The following GSE1 variants were observed in gnomAD, a reference collection of about 807,000 sequenced individuals.
The protein encoded by GSE1 is genetic suppressor element 1.
In GSE1, 32 loss-of-function variants were observed where a neutral mutation model predicts 112.6. That is an observed-to-expected ratio of 0.28 (90% confidence interval 0.21 to 0.38). GSE1 has a LOEUF of 0.38. Among genes scored for constraint, GSE1 ranks in the 10% least tolerant of loss-of-function variants. GSE1 has a pLI of 1.00. For missense variants in GSE1, 2,348 were observed against 1,699.2 expected (o/e 1.38, Z -6.71); for synonymous variants, 1,115 against 735.6 (o/e 1.52, Z -8.35).
chr16:85,517,310 G>A (rs776074930), intron 2 of GSE1, among the ~76,000 whole-genome samples: 3 of 152,210 alleles, frequency 2.0e-5, no homozygotes, highest in South Asian at 2.1e-4. Context: ...ACAGCCATGT[G>A]TCCTTGGTCC....
chr16:85,428,990 T>C (rs918845440), intron 2 of GSE1, among the ~76,000 whole-genome samples: 1 of 152,152 alleles, frequency 6.6e-6, no homozygotes, highest in Non-Finnish European at 1.5e-5. Flanking sequence ...TTGGAGAATC[T>C]CAGCTTCATA....
intron 15 of GSE1, chr16:85,672,165 AT>A: frequency 2.8e-5 from 14 of 502,602 alleles, no homozygotes; most frequent in East Asian, 9.0e-5. Flanking sequence ...TGCCTGGCTA[AT>A]TTTTTTGTTT....
chr16:85,207,654 G>A (rs1211866218), intron 1 of GSE1: 1 of 152,282 alleles, frequency 6.6e-6, no homozygotes, highest in Non-Finnish European at 1.5e-5. Flanking sequence ...GTTGAATCCC[G>A]GCTCTGCCGT....
intron 1 of GSE1, among the ~76,000 whole-genome samples, chr16:85,297,318 C>A (rs2045396246): frequency 6.6e-6 from 1 of 150,618 alleles, no homozygotes; most frequent in Non-Finnish European, 1.5e-5. Context: ...AGTGACTCGC[C>A]GAAGGGTAGG....
Position 85,633,998 on chromosome 16 carries a change from C to T in GSE1, c.92C>T (p.Pro31Leu), listed in dbSNP as rs759417177. Residue 31 changes from proline (P) to leucine (L), a missense_variant, in exon 2 of 16, where the codon CCC (proline) becomes CTC (leucine). Physicochemically the swap from Pro to Leu is moderately conservative, Grantham distance 98. Coordinates refer to ENST00000253458, the MANE Select transcript of GSE1 (RefSeq NM_014615.5). ...RTTATVNPLT[P>L]SPLNGALVPS... ...ACCGCCACCGTCAACCCCCTCACCC[C>T]CTCGCCGCTCAATGGCGCCCTGGTG... is the stretch of plus-strand genomic sequence containing the variant. The T allele has an allele frequency of 6.2e-7, 1 of 1,612,984 alleles. No homozygotes were observed. Among genetic ancestry groups the T allele is most frequent in the Non-Finnish European group, 8.5e-7 (1 of 1,179,716 alleles).
At chr16:85,173,047 C>T (rs193037092) in intron 1 of GSE1, among the ~76,000 whole-genome samples, 11 of 152,164 alleles carry the variant, frequency 7.2e-5, no homozygotes, top group Non-Finnish European at 1.2e-4. Context: ...ATGAGCACGT[C>T]GTCTCCCGTC....
chr16:85,618,409 G>T (rs2048514692), intron 1 of GSE1, among the ~76,000 whole-genome samples: 1 of 152,332 alleles, frequency 6.6e-6, no homozygotes, highest in South Asian at 2.1e-4. Context: ...AAGGCCTGGA[G>T]CGTGGGGTGA....
At chr16:85,382,843 C>T (rs921834935) in intron 2 of GSE1, among the ~76,000 whole-genome samples, 1 of 151,898 alleles carries the variant, frequency 6.6e-6, no homozygotes, top group Admixed American at 6.6e-5. Flanking sequence ...CATGCACACA[C>T]ATGCATACAT....
chr16:85,233,724 G>A (rs1307150937), intron 1 of GSE1, among the ~76,000 whole-genome samples: 1 of 152,162 alleles, frequency 6.6e-6, no homozygotes, highest in African/African-American at 2.4e-5. Flanking sequence ...AATGATTAAT[G>A]GTTTTTGGAA....
intron 1 of GSE1, among the ~76,000 whole-genome samples, chr16:85,238,155 A>T (rs565245590): frequency 7.9e-5 from 12 of 152,122 alleles, no homozygotes; most frequent in African/African-American, 2.7e-4. Flanking sequence ...GGGTGGGTGC[A>T]GGAAGACCCC....
intron 1 of GSE1, among the ~76,000 whole-genome samples, chr16:85,251,284 T>C (rs1387007992): frequency 6.8e-6 from 1 of 146,792 alleles, no homozygotes; most frequent in Non-Finnish European, 1.5e-5. Flanking sequence ...GCCCTCAAGG[T>C]GACAAAGCCT....
intron 1 of GSE1, among the ~76,000 whole-genome samples, chr16:85,209,672 C>T (rs967478223): frequency 1.3e-5 from 2 of 152,232 alleles, no homozygotes; most frequent in African/African-American, 4.8e-5. Flanking sequence ...CATTCTGCAA[C>T]CCTAGATCGA....
At chr16:85,442,353 G>A (rs187230629) in intron 2 of GSE1, among the ~76,000 whole-genome samples, 1 of 152,256 alleles carries the variant, frequency 6.6e-6, no homozygotes, top group East Asian at 1.9e-4. Flanking sequence ...GCCCCACATG[G>A]GCAGGGACTT....
At chr16:85,308,582 C>T (rs971119590) in intron 1 of GSE1, among the ~76,000 whole-genome samples, 2 of 152,112 alleles carry the variant, frequency 1.3e-5, no homozygotes, top group African/African-American at 4.8e-5. Flanking sequence ...AGGAAACCTT[C>T]TCATCTATTT....
In GSE1 at chr16:85,180,018, G is replaced by A. The variant is rs114935469; in HGVS notation, c.2283+8211G>A. On this transcript the variant is annotated intron_variant, in intron 1 of 2. Coordinates refer to the GSE1 transcript ENST00000637419. ...ATCTCGTCTTTCTACATGTGTTGGC[G>A]GGGGGCTGTGGGGCAGGGAAGACCT... is the stretch of plus-strand genomic sequence containing the variant. Among the ~76,000 whole-genome samples the A allele has an allele frequency of 1.1e-3, 175 of 152,198 alleles. 1 individual carries two copies. The highest frequency in any genetic ancestry group is 1.6e-3 in the Non-Finnish European group (112 of 68,028).
chr16:85,630,932 TCC>T (rs1435984674), intron 1 of GSE1, among the ~76,000 whole-genome samples: 1 of 152,206 alleles, frequency 6.6e-6, no homozygotes, highest in Non-Finnish European at 1.5e-5. Flanking sequence ...CTGTGGCCTC[TCC>T]TGGGCTCATT....
intron 2 of GSE1, among the ~76,000 whole-genome samples, chr16:85,546,229 C>A (rs949096834): frequency 6.6e-6 from 1 of 152,200 alleles, no homozygotes; most frequent in African/African-American, 2.4e-5. Flanking sequence ...GGATTACAGA[C>A]GTGCGCCACT....
At chr16:85,503,877 G>T (rs1003652758) in intron 2 of GSE1, among the ~76,000 whole-genome samples, 15 of 152,176 alleles carry the variant, frequency 9.9e-5, no homozygotes, top group Non-Finnish European at 8.8e-5. Flanking sequence ...TGCCAGGGAC[G>T]GAAAGCAGCC....
chr16:85,368,571 G>T (rs2047233388), intron 2 of GSE1, among the ~76,000 whole-genome samples: 2 of 152,038 alleles, frequency 1.3e-5, no homozygotes, highest in African/African-American at 4.8e-5. Context: ...TGGGCGTGGT[G>T]GTGCACACCT....
Sources: allele counts gnomAD v4.1 joint callset (sites outside exome capture counted in the v4.1 genomes callset), GRCh38; gene constraint gnomAD v4.1.1; transcripts MANE v1.5; gene names NCBI Gene and HGNC (gene_info 2026-07-23, HGNC 2026-07-21).